The following CSMD1 variants were observed in gnomAD, a reference collection of about 807,000 sequenced individuals.
CSMD1 encodes CUB and Sushi multiple domains 1.
In CSMD1, 213 loss-of-function variants were observed where a neutral mutation model predicts 417.5. The ratio of observed to expected loss-of-function variants is 0.51; its 90% CI spans 0.46 to 0.57. The LOEUF (loss-of-function observed/expected upper bound fraction) is 0.57, where lower values mean the gene tolerates loss of function less well. CSMD1 is among the 20% of genes least tolerant of loss of function. The pLI is 0.00. For synonymous variants in CSMD1, 2,862 were observed against 1,736.8 expected (o/e 1.65, Z -16.11); for missense variants, 6,923 against 4,529.7 (o/e 1.53, Z -15.17).
chr8:4,814,729 A>T (rs1037803337), intron 1 of CSMD1, among the ~76,000 whole-genome samples: 1 of 152,160 alleles, frequency 6.6e-6, no homozygotes, highest in Admixed American at 6.5e-5. Context: ...ATAGGTTTCC[A>T]GTATTTTTGT....
At chr8:3,794,304 T>G (rs554839566) in intron 5 of CSMD1, among the ~76,000 whole-genome samples, 7 of 152,294 alleles carry the variant, frequency 4.6e-5, no homozygotes, top group African/African-American at 1.4e-4. Context: ...GACTTCAAAC[T>G]GAAAACTCTG....
In CSMD1 at chr8:3,616,693, A is replaced by G. The variant is rs1802155263; in HGVS notation, c.1097+17T>C. 1 of 1,494,886 alleles carries G rather than the reference A, an allele frequency of 6.7e-7. No homozygotes were observed. 92.6% of individuals were successfully genotyped at this position (1,494,886 alleles called of 1,614,324 possible). The stretch of plus-strand genomic sequence containing the variant: ...TAAAAATAACATGCTTTTTTCCACC[A>G]CTATTGTATCTCTTACCTGAAGTCG... On this transcript the variant is annotated intron_variant, in intron 8 of 69. Coordinates refer to ENST00000635120, the MANE Select transcript of CSMD1 (RefSeq NM_033225.6).
chr8:4,031,136 C>T (rs893553257), intron 4 of CSMD1, among the ~76,000 whole-genome samples: 1 of 152,210 alleles, frequency 6.6e-6, no homozygotes, highest in African/African-American at 2.4e-5. Flanking sequence ...CTGTTCTAAA[C>T]TCTGCCTGTT....
chr8:3,916,851 T>G (rs1195750250), intron 5 of CSMD1, among the ~76,000 whole-genome samples: 2 of 151,886 alleles, frequency 1.3e-5, no homozygotes, highest in Admixed American at 6.6e-5. Context: ...GTTAGAGAGA[T>G]AAGGACTTGC....
intron 5 of CSMD1, among the ~76,000 whole-genome samples, chr8:3,853,510 A>G (rs890386612): frequency 6.6e-6 from 1 of 152,220 alleles, no homozygotes; most frequent in South Asian, 2.1e-4. Flanking sequence ...TCAAGCATCA[A>G]TATGACTGCC....
intron 3 of CSMD1, among the ~76,000 whole-genome samples, chr8:4,286,823 A>C (rs548897097): frequency 1.3e-5 from 2 of 152,252 alleles, no homozygotes; most frequent in Non-Finnish European, 2.9e-5. Flanking sequence ...TTGATCTTTC[A>C]GTTGCTGTTG....
In CSMD1 at chr8:3,396,219, G is replaced by A. The variant is rs751024213; in HGVS notation, c.2568C>T (p.Ser856=). ...TCTCATAGTGGATGAGGAAGCCGAT[G>A]CTGGAGCGGCTGTTGTCAGTGGTGA... ...LLFTTDNSRS[S]IGFLIHYESV... is the part of the protein sequence containing the mutation. The change falls in exon 17 of 70, where the codon AGC becomes AGT. Residue 856 remains serine (S), a synonymous_variant. Transcript: ENST00000635120. 1.9e-6 allele frequency: 3 copies of A among 1,566,350 alleles called. No individual in the cohort carries two copies. The highest frequency in any genetic ancestry group is 2.4e-5 in the East Asian group (1 of 42,298).
chr8:3,816,863 G>T (rs1018309329), intron 5 of CSMD1, among the ~76,000 whole-genome samples: 3 of 151,950 alleles, frequency 2.0e-5, no homozygotes, highest in Admixed American at 1.3e-4. Context: ...ATTTCTCAGG[G>T]GTAAGGGGGC....
intron 2 of CSMD1, among the ~76,000 whole-genome samples, chr8:4,476,849 AG>A (rs1800828158): frequency 6.6e-6 from 1 of 152,214 alleles, no homozygotes; most frequent in Non-Finnish European, 1.5e-5. Context: ...TTACGAAAAA[AG>A]CTTCAGTCAA....
At chr8:3,463,688 G>C (rs1171227366) in intron 12 of CSMD1, among the ~76,000 whole-genome samples, 1 of 152,178 alleles carries the variant, frequency 6.6e-6, no homozygotes, top group Non-Finnish European at 1.5e-5. Context: ...GTGCATAATT[G>C]CTCACCTAGA....
rs1370531403 is a variant in CSMD1 at position 3,223,847 on chromosome 8, T to A, written c.4366A>T (p.Thr1456Ser). The change falls in exon 28 of 70, where the codon ACG (threonine) becomes TCG (serine). Residue 1456 changes from threonine to serine, a missense_variant. By Grantham distance (58) the Thr-to-Ser change is moderately conservative. Transcript: ENST00000635120. ...GACAAAATAACACCTGCTGGGCCCGTCAGATTCCCTCCACAAGCAGCTGTC... is the reference window on the plus strand; with the variant it reads ...GACAAAATAACACCTGCTGGGCCCGACAGATTCCCTCCACAAGCAGCTGTC... ...TCIAACGGNL[T>S]GPAGVILSPN... 51 of 1,613,540 alleles carry A rather than the reference T, an allele frequency of 3.2e-5. No homozygotes were observed. Among genetic ancestry groups the A allele is most frequent in the Non-Finnish European group, 4.0e-5 (47 of 1,179,786 alleles).
intron 3 of CSMD1, among the ~76,000 whole-genome samples, chr8:4,334,065 G>A (rs996311744): frequency 1.3e-5 from 2 of 151,254 alleles, no homozygotes; most frequent in Admixed American, 1.3e-4. Flanking sequence ...CATTAATTAT[G>A]ATGATGATGA....
intron 10 of CSMD1, among the ~76,000 whole-genome samples, chr8:3,496,248 G>C (rs746392092): frequency 6.6e-6 from 1 of 152,166 alleles, no homozygotes; most frequent in Non-Finnish European, 1.5e-5. Context: ...GTCCAAGAAA[G>C]CCAGTCTCTT....
At chr8:4,745,203 T>C (rs923513615) in intron 1 of CSMD1, among the ~76,000 whole-genome samples, 4 of 152,198 alleles carry the variant, frequency 2.6e-5, no homozygotes, top group Non-Finnish European at 2.9e-5. Context: ...TTTGTATACA[T>C]ACAAAGTTAT....
intron 7 of CSMD1, among the ~76,000 whole-genome samples, chr8:3,707,672 T>G (rs1018825946): frequency 6.6e-6 from 1 of 151,862 alleles, no homozygotes; most frequent in African/African-American, 2.4e-5. Flanking sequence ...TGACTGCACC[T>G]GCAGAGAAAG....
At chr8:2,983,232 G>C (rs566151792) in intron 54 of CSMD1, among the ~76,000 whole-genome samples, 3 of 151,752 alleles carry the variant, frequency 2.0e-5, no homozygotes, top group African/African-American at 7.3e-5. Context: ...TGTCTCCCAT[G>C]CTGGAGTGCA....
intron 1 of CSMD1, among the ~76,000 whole-genome samples, chr8:4,685,457 C>G (rs1254979889): frequency 6.6e-6 from 1 of 152,094 alleles, no homozygotes; most frequent in Non-Finnish European, 1.5e-5. Context: ...TGCCTGTAAT[C>G]CCAGCTACCC....
intron 3 of CSMD1, among the ~76,000 whole-genome samples, chr8:4,331,483 G>A (rs970262271): frequency 6.6e-6 from 1 of 151,972 alleles, no homozygotes; most frequent in African/African-American, 2.4e-5. Context: ...TTGGGTTTTG[G>A]GTTTTGTAAT....
At chr8:3,433,732 G>C (rs936205908) in intron 12 of CSMD1, among the ~76,000 whole-genome samples, 4 of 152,190 alleles carry the variant, frequency 2.6e-5, no homozygotes, top group Non-Finnish European at 5.9e-5. Context: ...CTAATCTGAA[G>C]TTAAATTCAG....
Sources: gnomAD v4.1 joint callset for allele counts (sites outside exome capture counted in the v4.1 genomes callset) on GRCh38, gnomAD v4.1.1 for gene constraint, MANE v1.5 for transcripts, NCBI Gene and HGNC (gene_info 2026-07-23, HGNC 2026-07-21) for gene names.